APELA: variants seen among roughly 807,000 people sequenced by gnomAD.
APELA encodes the protein apelin receptor early endogenous ligand.
At chr4:164,878,300 AAAT>A (rs2111047053) in intron 1 of APELA, among the ~76,000 whole-genome samples, 1 of 152,284 alleles carries the variant, frequency 6.6e-6, no homozygotes, top group African/African-American at 2.4e-5. Context: ...CAAATATGTT[AAAT>A]TATTCACTTG....
chr4:164,885,060 C>T (rs865905821), intron 2 of APELA, among the ~76,000 whole-genome samples: 41 of 152,044 alleles, frequency 2.7e-4, no homozygotes, highest in African/African-American at 9.4e-4. Flanking sequence ...CCCTGAAGGC[C>T]GAGGGTAGGT....
chr4:164,897,994 G>A (rs1019570935), downstream of APELA, among the ~76,000 whole-genome samples: 8 of 152,162 alleles, frequency 5.3e-5, no homozygotes, highest in Middle Eastern at 3.4e-3. Context: ...AGGTTCAAGC[G>A]ATTCTGGTGC....
chr4:164,887,326 A>G (rs1730794113), intron 2 of APELA, among the ~76,000 whole-genome samples: 2 of 151,274 alleles, frequency 1.3e-5, no homozygotes, highest in Non-Finnish European at 2.9e-5. Flanking sequence ...AGACATGGCC[A>G]ATCCTTCATA....
chr4:164,878,402 A>G (rs1299905918), intron 1 of APELA, among the ~76,000 whole-genome samples: 1 of 152,188 alleles, frequency 6.6e-6, no homozygotes, highest in African/African-American at 2.4e-5. Flanking sequence ...AAGTTTGATC[A>G]CTGTGAGTTT....
chr4:164,884,928 G>A (rs1441614015), intron 2 of APELA, among the ~76,000 whole-genome samples: 1 of 151,952 alleles, frequency 6.6e-6, no homozygotes, highest in African/African-American at 2.4e-5. Flanking sequence ...AGTTACAATA[G>A]ATATACCCAC....
Position 164,895,637 on chromosome 4 carries a change from G to GGCAAC in APELA, c.*223_*224insGCAAC. The GGCAAC allele has an allele frequency of 6.6e-6, 1 of 152,158 alleles. No homozygotes were observed. The highest frequency in any genetic ancestry group is 1.5e-5 in the Non-Finnish European group (1 of 68,020). The allele number at this position is 152,158 out of a possible 1,614,324, so 9.4% of individuals were successfully genotyped here. ...AGGGAAAATAACATAAATTCAAAAG[G>GGCAAC]ATTCCAATCTGAAGCCCAAATCGTT... On this transcript the variant is annotated 3_prime_UTR_variant, in exon 3 of 3. Coordinates refer to ENST00000507152, the MANE Select transcript of APELA (RefSeq NM_001297550.2).
intron 2 of APELA, among the ~76,000 whole-genome samples, chr4:164,886,524 A>G (rs1374361124): frequency 6.6e-6 from 1 of 151,876 alleles, no homozygotes; most frequent in Non-Finnish European, 1.5e-5. Context: ...GTGTATACCT[A>G]TAGTTCCAGC....
rs542795598 is a variant in APELA at position 164,884,204 on chromosome 4, AAAG to A, written c.*1+5201_*1+5203del. Among the ~76,000 whole-genome samples the A allele has an allele frequency of 1.7e-3, 264 of 152,146 alleles. 1 individual carries two copies. The highest frequency in any genetic ancestry group is 5.9e-3 in the African/African-American group (244 of 41,490). The stretch of plus-strand genomic sequence containing the variant: ...AGAAGAAAGAAACAAAGAGAGAGGG[AAAG>A]AAGAAAGAAAAAGAGGAAGGAAGAG... On this transcript the variant is annotated intron_variant, in intron 2 of 2. Coordinates refer to ENST00000507152, the MANE Select transcript of APELA (RefSeq NM_001297550.2).
At chr4:164,890,230 T>G (rs1008422950) in intron 2 of APELA, among the ~76,000 whole-genome samples, 1 of 152,234 alleles carries the variant, frequency 6.6e-6, no homozygotes, top group African/African-American at 2.4e-5. Flanking sequence ...AGGATATGCA[T>G]GTTTAATTTT....
rs975207496 is a variant in APELA at position 164,895,987 on chromosome 4, A to C, written c.*573A>C. 4 of 152,260 alleles carry C rather than the reference A, an allele frequency of 2.6e-5. No individual in the cohort carries two copies. Among genetic ancestry groups the C allele is most frequent in the African/African-American group, 9.6e-5 (4 of 41,466 alleles). 9.4% of individuals were successfully genotyped at this position (152,260 alleles called of 1,614,324 possible). On this transcript the variant is annotated 3_prime_UTR_variant, in exon 3 of 3. Transcript: ENST00000507152. ...TGCTACCAATTTTATGATAAGCTTT[A>C]AGGTTTATGAAAGTATGTTTTTTTA...
intron 2 of APELA, among the ~76,000 whole-genome samples, chr4:164,887,150 G>A (rs1267395685): frequency 2.0e-5 from 3 of 152,066 alleles, no homozygotes; most frequent in Non-Finnish European, 2.9e-5. Flanking sequence ...TTTAAAAACT[G>A]ATTTCTCCTT....
intron 2 of APELA, among the ~76,000 whole-genome samples, chr4:164,880,465 T>C (rs1184105231): frequency 6.6e-6 from 1 of 152,220 alleles, no homozygotes. Flanking sequence ...TTAATGGTGA[T>C]TGAAACATGC....
intron 2 of APELA, among the ~76,000 whole-genome samples, chr4:164,885,320 G>A (rs1013279321): frequency 6.6e-6 from 1 of 152,000 alleles, no homozygotes. Flanking sequence ...TAGTAGAAAC[G>A]GGGTTTCACC....
intron 2 of APELA, among the ~76,000 whole-genome samples, chr4:164,890,277 T>G (rs1030288240): frequency 9.9e-5 from 15 of 152,186 alleles, no homozygotes; most frequent in Non-Finnish European, 1.8e-4. Flanking sequence ...AATTCACCCA[T>G]TTAAGGTGTA....
intron 2 of APELA, among the ~76,000 whole-genome samples, chr4:164,887,583 A>C (rs970240997): frequency 6.6e-6 from 1 of 152,016 alleles, no homozygotes; most frequent in African/African-American, 2.4e-5. Context: ...TAATCTGCTT[A>C]CATCTCCATT....
In APELA at chr4:164,892,119, TG is replaced by T. The variant is rs768366031; in HGVS notation, c.*2-3294del. ...TGAGTCAGGGAGTTTGAGGCCAGCCTGGGCAATATAGCAAAACCCCATCTCT... is the reference window on the plus strand; with the variant it reads ...TGAGTCAGGGAGTTTGAGGCCAGCCTGGCAATATAGCAAAACCCCATCTCT... On this transcript the variant is annotated intron_variant, in intron 2 of 2. Transcript: ENST00000507152. 3.3e-5 allele frequency among the ~76,000 whole-genome samples: 5 copies of T among 152,160 alleles called. No homozygotes were observed. The East Asian group carries it at 7.7e-4, about 24-fold the overall frequency.
intron 1 of APELA, among the ~76,000 whole-genome samples, 197 bp from the exon 2 acceptor site, chr4:164,878,723 T>A (rs2111047598): frequency 6.6e-6 from 1 of 152,324 alleles, no homozygotes; most frequent in Middle Eastern, 3.4e-3. Flanking sequence ...TAAAAGAAGA[T>A]CTTGCTATTA....
chr4:164,892,374 G>GTA (rs1293649514), intron 2 of APELA, among the ~76,000 whole-genome samples: 3 of 152,112 alleles, frequency 2.0e-5, no homozygotes, highest in African/African-American at 7.2e-5. Context: ...ACATATATAT[G>GTA]TATATATATT....
intron 2 of APELA, among the ~76,000 whole-genome samples, chr4:164,884,488 CAAT>C (rs1303642245): frequency 6.6e-6 from 1 of 152,176 alleles, no homozygotes; most frequent in African/African-American, 2.4e-5. Flanking sequence ...AAAATAATAA[CAAT>C]AATTTGACAA....
Sources: gnomAD v4.1 joint callset for allele counts (sites outside exome capture counted in the v4.1 genomes callset) on GRCh38, gnomAD v4.1.1 for gene constraint, MANE v1.5 for transcripts, NCBI Gene and HGNC (gene_info 2026-07-23, HGNC 2026-07-21) for gene names.